GRM7: variants seen among roughly 807,000 people sequenced by gnomAD.
The protein encoded by GRM7 is metabotropic glutamate receptor 7.
Under a neutral mutation model 84.5 loss-of-function variants are expected in GRM7, and 35 were observed. That is an observed-to-expected ratio of 0.41 (90% CI 0.32 to 0.55). GRM7 has a LOEUF of 0.55. Among genes scored for constraint, GRM7 ranks in the 20% least tolerant of loss-of-function variants. The pLI is 0.19. For missense variants in GRM7, 1,003 were observed against 1,194.6 expected (o/e 0.84, Z 2.36); for synonymous variants, 487 against 455.1 (o/e 1.07, Z -0.89).
At chr3:6,865,481 T>C (rs541215532) in intron 1 of GRM7, among the ~76,000 whole-genome samples, 10 of 151,806 alleles carry the variant, frequency 6.6e-5, no homozygotes, top group Non-Finnish European at 1.2e-4. Flanking sequence ...GAATGAATAA[T>C]ATTTCCTGTG....
At chr3:7,321,436 A>G (rs1700777981) in intron 4 of GRM7, among the ~76,000 whole-genome samples, 1 of 152,078 alleles carries the variant, frequency 6.6e-6, no homozygotes, top group South Asian at 2.1e-4. Context: ...AAAGTAGTGT[A>G]ATTAATCATG....
At chr3:7,621,522 G>A (rs1697353390) in intron 8 of GRM7, among the ~76,000 whole-genome samples, 1 of 152,146 alleles carries the variant, frequency 6.6e-6, no homozygotes, top group African/African-American at 2.4e-5. Context: ...TCAGCTGGGG[G>A]AGGGGACGCA....
Position 7,579,321 on chromosome 3 carries a change from T to G in GRM7, c.2415T>G (p.Ile805Met), listed in dbSNP as rs1036731901. The change falls in exon 8 of 10, where the codon ATT (isoleucine) becomes ATG (methionine). Residue 805 changes from isoleucine (I) to methionine (M), a missense_variant. Physicochemically the swap from Ile to Met is conservative, Grantham distance 10 (BLOSUM62 1). Coordinates refer to ENST00000357716, the MANE Select transcript of GRM7 (RefSeq NM_000844.4). ...YTTCIVWLAF[I>M]PIFFGTAQSA... Reference sequence around the variant, plus strand: ...CATGTATAGTATGGCTTGCCTTCATTCCAATTTTTTTTGGCACCGCTCAAT... The same window carrying G: ...CATGTATAGTATGGCTTGCCTTCATGCCAATTTTTTTTGGCACCGCTCAAT... 1.3e-6 allele frequency: 2 copies of G among 1,571,058 alleles called. No individual in the cohort carries two copies. Among genetic ancestry groups the G allele is most frequent in the Non-Finnish European group, 1.7e-6 (2 of 1,154,494 alleles).
chr3:7,176,141 C>A (rs1695138371), intron 2 of GRM7, among the ~76,000 whole-genome samples: 1 of 146,634 alleles, frequency 6.8e-6, no homozygotes, highest in Non-Finnish European at 1.5e-5. Context: ...CATGTTCATG[C>A]CTATAAGGCA....
chr3:7,412,714 G>C (rs947292989), intron 4 of GRM7, among the ~76,000 whole-genome samples: 1 of 152,122 alleles, frequency 6.6e-6, no homozygotes, highest in African/African-American at 2.4e-5. Flanking sequence ...TGCTTCAGAA[G>C]CACCTGGAGA....
At chr3:7,136,920 A>G (rs1342921940) in intron 1 of GRM7, among the ~76,000 whole-genome samples, 2 of 152,130 alleles carry the variant, frequency 1.3e-5, no homozygotes, top group African/African-American at 2.4e-5. Flanking sequence ...ACTTGTTACC[A>G]AAGAAAACTA....
intron 1 of GRM7, among the ~76,000 whole-genome samples, chr3:7,107,221 G>T (rs771165628): frequency 6.6e-6 from 1 of 151,984 alleles, no homozygotes; most frequent in African/African-American, 2.4e-5. Flanking sequence ...AAACAGACAC[G>T]CACGGTTTCT....
chr3:7,059,605 C>A (rs1449555084), intron 1 of GRM7, among the ~76,000 whole-genome samples: 1 of 151,630 alleles, frequency 6.6e-6, no homozygotes, highest in Non-Finnish European at 1.5e-5. Flanking sequence ...GTTCTGCATG[C>A]TTTCATCTCC....
At chr3:6,889,550 A>G (rs1303040693) in intron 1 of GRM7, among the ~76,000 whole-genome samples, 1 of 152,126 alleles carries the variant, frequency 6.6e-6, no homozygotes, top group Non-Finnish European at 1.5e-5. Context: ...ATTTGCATAT[A>G]TTGAACCAGC....
At chr3:6,875,540 C>G (rs1301484306) in intron 1 of GRM7, among the ~76,000 whole-genome samples, 1 of 152,166 alleles carries the variant, frequency 6.6e-6, no homozygotes, top group Non-Finnish European at 1.5e-5. Flanking sequence ...ATTGTGAGGC[C>G]TCCCCAGCCG....
chr3:7,177,464 G>A lies in GRM7; in HGVS notation c.736+30796G>A, dbSNP rs184886398. Among the ~76,000 whole-genome samples, 46 of 144,014 alleles carry A rather than the reference G, an allele frequency of 3.2e-4. 2 individuals are homozygous for A. The Admixed American group carries it at 3.2e-3, about 10-fold the overall frequency. 94.5% of individuals were successfully genotyped at this position (144,014 alleles called of 152,430 possible). ...ATTTGATTCATCCAGGTAACCAGTT[G>A]ATATCTTGTAGTTATTAGCTATAAT... On this transcript the variant is annotated intron_variant, in intron 2 of 9. Transcript: ENST00000357716.
At chr3:7,646,487 C>G (rs1698646364) in intron 8 of GRM7, among the ~76,000 whole-genome samples, 1 of 152,150 alleles carries the variant, frequency 6.6e-6, no homozygotes, top group African/African-American at 2.4e-5. Context: ...CCGCCATGCC[C>G]CGCTGACCAC....
chr3:7,354,157 G>A (rs1011899921), intron 4 of GRM7, among the ~76,000 whole-genome samples: 6 of 152,202 alleles, frequency 3.9e-5, no homozygotes, highest in African/African-American at 9.6e-5. Context: ...TCCTGCCATC[G>A]TTCCTCAAAG....
intron 4 of GRM7, among the ~76,000 whole-genome samples, chr3:7,398,181 G>T (rs56166359): frequency 0.028 from 4,196 of 152,252 alleles, 197 homozygotes; most frequent in African/African-American, 0.096. Context: ...TTTTCTGAAG[G>T]TGAGAAAGCA....
At chr3:7,043,763 G>C (rs989743339) in intron 1 of GRM7, among the ~76,000 whole-genome samples, 27 of 152,100 alleles carry the variant, frequency 1.8e-4, no homozygotes, top group African/African-American at 6.5e-4. Flanking sequence ...TTTAAAAAAT[G>C]AATGAATGCT....
chr3:7,564,848 C>G (rs139118701), intron 7 of GRM7, among the ~76,000 whole-genome samples: 2 of 152,172 alleles, frequency 1.3e-5, no homozygotes, highest in East Asian at 3.9e-4. Context: ...GCCTGACTTC[C>G]TAACTCATAC....
intron 1 of GRM7, among the ~76,000 whole-genome samples, chr3:6,879,967 A>G (rs1335017123): frequency 6.6e-6 from 1 of 152,222 alleles, no homozygotes; most frequent in Non-Finnish European, 1.5e-5. Context: ...CTGCAGCTGC[A>G]TTCCCAATGT....
intron 2 of GRM7, among the ~76,000 whole-genome samples, chr3:7,256,743 A>G (rs564626699): frequency 1.9e-4 from 29 of 152,316 alleles, no homozygotes; most frequent in African/African-American, 5.8e-4. Context: ...TGGAAATGCA[A>G]AGATGAATAA....
At chr3:6,971,316 A>G (rs992248163) in intron 1 of GRM7, among the ~76,000 whole-genome samples, 3 of 152,224 alleles carry the variant, frequency 2.0e-5, no homozygotes, top group Admixed American at 2.0e-4. Flanking sequence ...TTTAAAAATT[A>G]TTTTGAAACA....
Sources: gnomAD v4.1 joint callset for allele counts (sites outside exome capture counted in the v4.1 genomes callset) on GRCh38, gnomAD v4.1.1 for gene constraint, MANE v1.5 for transcripts, NCBI Gene and HGNC (gene_info 2026-07-23, HGNC 2026-07-21) for gene names.